The following EVL variants were observed in gnomAD, a reference collection of about 807,000 sequenced individuals.
EVL encodes Enah/Vasp-like.
Under a neutral mutation model 59.6 loss-of-function variants are expected in EVL, and 21 were observed. The observed-to-expected ratio is 0.35, with a 90% CI of 0.25 to 0.51. The LOEUF (loss-of-function observed/expected upper bound fraction) is 0.51. Among genes scored for constraint, EVL ranks in the 20% least tolerant of loss-of-function variants. The probability of loss-of-function intolerance (pLI) is 0.97; values close to 1 mark genes in which losing one functional copy is unlikely to be tolerated. For synonymous variants in EVL, 198 were observed against 203.5 expected (o/e 0.97, Z 0.23); for missense variants, 462 against 546.6 (o/e 0.85, Z 1.54).
At chr14:99,982,305 C>T (rs1056128266) in intron 1 of EVL, among the ~76,000 whole-genome samples, 8 of 152,104 alleles carry the variant, frequency 5.3e-5, no homozygotes, top group Non-Finnish European at 1.2e-4. Flanking sequence ...TCTTTGAAAA[C>T]AGTTAAAATA....
intron 1 of EVL, among the ~76,000 whole-genome samples, chr14:100,078,516 A>T (rs1292817603): frequency 6.9e-6 from 1 of 144,142 alleles, no homozygotes; most frequent in Non-Finnish European, 1.5e-5. Flanking sequence ...GGGCTTATTT[A>T]AGTGTATTCT....
At chr14:99,980,147 C>G (rs550425290) in intron 1 of EVL, among the ~76,000 whole-genome samples, 12 of 152,290 alleles carry the variant, frequency 7.9e-5, no homozygotes, top group African/African-American at 2.9e-4. Context: ...GAACCAGTCT[C>G]CTGTGGATAC....
At chr14:100,111,407 T>A (rs2140346462) in intron 3 of EVL, among the ~76,000 whole-genome samples, 1 of 152,250 alleles carries the variant, frequency 6.6e-6, no homozygotes, top group South Asian at 2.1e-4. Flanking sequence ...TCCACCCACC[T>A]CGGCCTCCCA....
intron 2 of EVL, among the ~76,000 whole-genome samples, chr14:100,090,467 C>G (rs2062541543): frequency 6.6e-6 from 1 of 152,140 alleles, no homozygotes; most frequent in African/African-American, 2.4e-5. Context: ...GCTGTATAAC[C>G]ATGATACAAA....
intron 1 of EVL, among the ~76,000 whole-genome samples, chr14:100,022,805 C>T (rs148132185): frequency 3.9e-5 from 6 of 152,258 alleles, no homozygotes; most frequent in East Asian, 1.9e-4. Flanking sequence ...CCAGCTAGCT[C>T]GGCACAGTCC....
rs57192659 is a variant in EVL at position 100,030,094 on chromosome 14, CTTTTTTTT to C, written c.6-54585_6-54578del. ...TACTATGCTAATTAAATGAGATTAC[CTTTTTTTT>C]TTTTTTTGAGGTGGAGTTTCGTTCT... is the stretch of plus-strand genomic sequence containing the variant. On this transcript the variant is annotated intron_variant, in intron 1 of 13. Coordinates refer to the EVL transcript ENST00000402714. 1.6e-4 allele frequency among the ~76,000 whole-genome samples: 23 copies of C among 140,030 alleles called. No individual in the cohort carries two copies. The East Asian group carries it at 4.5e-3, about 27-fold the overall frequency. 91.9% of individuals were successfully genotyped at this position (140,030 alleles called of 152,430 possible). A position where few individuals can be genotyped will look rare whatever the true frequency, so the allele number is the denominator to read the frequency against.
At chr14:100,120,023 C>T (rs1887596035) in intron 3 of EVL, among the ~76,000 whole-genome samples, 1 of 152,188 alleles carries the variant, frequency 6.6e-6, no homozygotes, top group Non-Finnish European at 1.5e-5. Flanking sequence ...AGCAGAAAGG[C>T]ATCTGAAACT....
intron 1 of EVL, among the ~76,000 whole-genome samples, chr14:100,082,542 T>C (rs2062335542): frequency 6.6e-6 from 1 of 152,158 alleles, no homozygotes; most frequent in African/African-American, 2.4e-5. Flanking sequence ...TTAAAACCAT[T>C]TACAACCAAC....
chr14:100,023,263 G>A lies in EVL; in HGVS notation c.5+51206G>A, dbSNP rs139338961. 2.1e-3 allele frequency among the ~76,000 whole-genome samples: 312 copies of A among 150,208 alleles called. 1 individual carries two copies. Among genetic ancestry groups the A allele is most frequent in the Middle Eastern group, 0.01 (3 of 294 alleles). ...TTTGTCACCTGGGTTGGCGTGCAGC[G>A]GCAGGATCTCAGCTCACTGCAACCT... On this transcript the variant is annotated intron_variant, in intron 1 of 13. Coordinates refer to the EVL transcript ENST00000402714.
chr14:100,123,699 G>A, intron 4 of EVL, 97 bp downstream of exon 4: 1 of 1,278,662 alleles, frequency 7.8e-7, no homozygotes, highest in Admixed American at 1.9e-5. Context: ...AGCAGCCAAG[G>A]CCAGGACTCC....
At chr14:100,122,254 C>G (rs1566715564) in intron 3 of EVL, among the ~76,000 whole-genome samples, 1 of 152,164 alleles carries the variant, frequency 6.6e-6, no homozygotes, top group Non-Finnish European at 1.5e-5. Context: ...ACACCACTGT[C>G]TGATTGAGTT....
At chr14:99,998,986 A>G (rs954359584) in intron 1 of EVL, among the ~76,000 whole-genome samples, 4 of 151,780 alleles carry the variant, frequency 2.6e-5, no homozygotes, top group Non-Finnish European at 4.4e-5. Flanking sequence ...ATACTTTTAT[A>G]TTTGCTTTTT....
At chr14:99,988,517 C>T (rs774735807) in intron 1 of EVL, among the ~76,000 whole-genome samples, 11 of 152,246 alleles carry the variant, frequency 7.2e-5, no homozygotes, top group Admixed American at 1.3e-4. Context: ...CTTTGGAAAA[C>T]GGTTTGTCAG....
intron 1 of EVL, among the ~76,000 whole-genome samples, chr14:99,986,037 A>G (rs1036270152): frequency 1.3e-5 from 2 of 152,148 alleles, no homozygotes; most frequent in Non-Finnish European, 2.9e-5. Flanking sequence ...CATGCCTGTA[A>G]TCCCAGCACT....
At chr14:100,008,970 G>T (rs1272842593) in intron 1 of EVL, among the ~76,000 whole-genome samples, 2 of 152,158 alleles carry the variant, frequency 1.3e-5, no homozygotes, top group Non-Finnish European at 2.9e-5. Context: ...AAATAGAGAA[G>T]TCCTGATTAT....
chr14:99,973,964 G>T (rs1323064935), intron 1 of EVL, among the ~76,000 whole-genome samples: 10 of 152,018 alleles, frequency 6.6e-5, no homozygotes, highest in Admixed American at 6.6e-4. Context: ...TCATCTTCCA[G>T]TCTTCGCTTT....
chr14:99,999,067 A>T (rs1389487493), intron 1 of EVL, among the ~76,000 whole-genome samples: 1 of 151,624 alleles, frequency 6.6e-6, no homozygotes, highest in East Asian at 1.9e-4. Flanking sequence ...ATTTATAATA[A>T]TTTTCTATAA....
intron 3 of EVL, among the ~76,000 whole-genome samples, chr14:100,118,134 G>A (rs554482163): frequency 2.6e-5 from 4 of 152,228 alleles, no homozygotes; most frequent in East Asian, 3.9e-4. Flanking sequence ...TGGTGAACTC[G>A]GACTCACATT....
intron 1 of EVL, among the ~76,000 whole-genome samples, chr14:100,020,462 AGT>A (rs147894996): frequency 0.022 from 3,298 of 149,550 alleles, 59 homozygotes; most frequent in Admixed American, 0.055. Flanking sequence ...TATGGAAGAG[AGT>A]GTGTGTGTGT....
Sources: allele counts gnomAD v4.1 joint callset (sites outside exome capture counted in the v4.1 genomes callset), GRCh38; gene constraint gnomAD v4.1.1; transcripts MANE v1.5; gene names NCBI Gene and HGNC (gene_info 2026-07-23, HGNC 2026-07-21).